CASKIN2: variants seen among roughly 807,000 people sequenced by gnomAD.
CASKIN2 encodes caskin-2.
CASKIN2 carries 41 observed loss-of-function variants against 107.1 expected under a neutral mutation model. The ratio of observed to expected loss-of-function variants is 0.38; its 90% CI spans 0.30 to 0.50. The LOEUF (loss-of-function observed/expected upper bound fraction) is 0.50. Ranked by LOEUF, CASKIN2 falls within the 20% of genes least tolerant of loss-of-function variation. The pLI is 0.92. For synonymous variants in CASKIN2, 724 were observed against 705.6 expected (o/e 1.03, Z -0.41); for missense variants, 1,546 against 1,657.4 (o/e 0.93, Z 1.17).
Position 75,505,264 on chromosome 17 carries a change from C to A in CASKIN2, c.931-191G>T. 1 of 690,260 alleles carries A rather than the reference C, an allele frequency of 1.4e-6. No homozygotes were observed. The highest frequency in any genetic ancestry group is 1.8e-5 in the South Asian group (1 of 54,440). 42.8% of individuals were successfully genotyped at this position (690,260 alleles called of 1,614,324 possible). A position where few individuals can be genotyped will look rare whatever the true frequency, so the allele number is the denominator to read the frequency against. ...GCAGCCAGCTCAATCTCCCCTGTGC[C>A]TCCAGGGCGAGCCCCAGTGGCAGCC... On this transcript the variant is annotated intron_variant, in intron 10 of 19. Coordinates refer to ENST00000321617, the MANE Select transcript of CASKIN2 (RefSeq NM_020753.5). This position sits in a 1 kb window ranked among gnomAD's most constrained non-coding sequence, Gnocchi z 5.1.
chr17:75,504,816 G>C lies in CASKIN2; in HGVS notation c.1188C>G (p.Ser396Arg), dbSNP rs1453027876. The C allele has an allele frequency of 1.2e-6, 2 of 1,609,646 alleles. No homozygotes were observed. Among genetic ancestry groups the C allele is most frequent in the Middle Eastern group, 1.8e-4 (1 of 5,534 alleles). The change falls in exon 11 of 20, where the codon AGC becomes AGG. Residue 396 changes from serine (S) to arginine (R), a missense_variant. By Grantham distance (110) the Ser-to-Arg change is moderately radical. Transcript: ENST00000321617. ...QLPRVGLSPD[S>R]PAGDRNSVGS... The stretch of plus-strand genomic sequence containing the variant: ...CTGCCCCCTGGGAGGATGTACCTGG[G>C]CTGTCTGGGCTGAGGCCCACCCGAG...
chr17:75,505,698 G>T lies in CASKIN2; in HGVS notation c.836-47C>A. On this transcript the variant is annotated intron_variant, in intron 9 of 19. Coordinates refer to ENST00000321617, the MANE Select transcript of CASKIN2 (RefSeq NM_020753.5). This position sits in a 1 kb window ranked among gnomAD's most constrained non-coding sequence, Gnocchi z 5.1. Reference sequence around the variant, plus strand: ...CAGGTGTCATCTAAGGGTCCTTAGGGCATCTTCCCACCCCTCATGCCCTTG... The same window carrying T: ...CAGGTGTCATCTAAGGGTCCTTAGGTCATCTTCCCACCCCTCATGCCCTTG... The T allele has an allele frequency of 6.3e-7, 1 of 1,576,828 alleles. No homozygotes were observed. Among genetic ancestry groups the T allele is most frequent in the Middle Eastern group, 2.1e-4 (1 of 4,826 alleles).
intron 2 of CASKIN2, among the ~76,000 whole-genome samples, chr17:75,513,093 C>T (rs147433377): frequency 2.6e-5 from 4 of 152,188 alleles, no homozygotes; most frequent in African/African-American, 9.6e-5. Context: ...GGCAACTCCA[C>T]GAAGACAGGA....
rs1013184259 is a variant in CASKIN2 at position 75,506,073 on chromosome 17, CAAGCTCAAGTTCACTCAGCTAGT to C, written c.727-167_727-145del. 1 of 790,762 alleles carries C rather than the reference CAAGCTCAAGTTCACTCAGCTAGT, an allele frequency of 1.3e-6. No homozygotes were observed. Among genetic ancestry groups the C allele is most frequent in the Non-Finnish European group, 2.0e-6 (1 of 496,188 alleles). The allele number at this position is 790,762 out of a possible 1,614,324, so 49.0% of individuals were successfully genotyped here. Reference sequence around the variant, plus strand: ...AGAGGCTCAGGGACTCAGTCAAGGACAAGCTCAAGTTCACTCAGCTAGTAAGAGGCAGATCTGGGGTGCCAATC... The same window carrying C: ...AGAGGCTCAGGGACTCAGTCAAGGACAAGAGGCAGATCTGGGGTGCCAATC... On this transcript the variant is annotated intron_variant, in intron 8 of 19. Transcript: ENST00000321617. The surrounding 1 kb of genome is among the most constrained non-coding windows in gnomAD (Gnocchi z 4.8).
chr17:75,507,497 T>C, intron 4 of CASKIN2, 87 bp downstream of exon 4: 1 of 976,266 alleles, frequency 1.0e-6, no homozygotes, highest in South Asian at 1.4e-5. Flanking sequence ...CATTGCTACG[T>C]TGTCATAGGA....
intron 3 of CASKIN2, among the ~76,000 whole-genome samples, 184 bp downstream of exon 3, chr17:75,508,050 C>T (rs77320612): frequency 5.3e-5 from 8 of 152,112 alleles, no homozygotes; most frequent in Admixed American, 1.3e-4. Flanking sequence ...ACTCCACGGG[C>T]GGGCGGGTGC....
In CASKIN2 at chr17:75,514,010, G is replaced by A. The variant is rs1358440004; in HGVS notation, c.-206C>T. On this transcript the variant is annotated 5_prime_UTR_variant, in exon 2 of 20. Transcript: ENST00000321617. The stretch of plus-strand genomic sequence containing the variant: ...GCTCCGTGAACTGCCACCACACGAA[G>A]GAAAGCTAATCTTTGAGGGGGTGAA... 2 of 591,174 alleles carry A rather than the reference G, an allele frequency of 3.4e-6. No homozygotes were observed. Among genetic ancestry groups the A allele is most frequent in the Non-Finnish European group, 6.0e-6 (2 of 331,438 alleles). The allele number at this position is 591,174 out of a possible 1,614,324, so 36.6% of individuals were successfully genotyped here. A position where few individuals can be genotyped will look rare whatever the true frequency, so the allele number is the denominator to read the frequency against.
At position 75,507,495 on chromosome 17, in the gene CASKIN2, C is replaced by T. The variant is rs1044964482; in HGVS notation, c.244+89G>A. The T allele has an allele frequency of 1.0e-5, 10 of 961,048 alleles. No individual in the cohort carries two copies. In the African/African-American group the frequency reaches 1.5e-4, roughly 14 times the overall value. The allele number at this position is 961,048 out of a possible 1,614,324, so 59.5% of individuals were successfully genotyped here. A position where few individuals can be genotyped will look rare whatever the true frequency, so the allele number is the denominator to read the frequency against. Reference sequence around the variant, plus strand: ...GTGCTAGCATCTATTAGCATTGCTACGTTGTCATAGGAGCAAGCTCTGGTC... The same window carrying T: ...GTGCTAGCATCTATTAGCATTGCTATGTTGTCATAGGAGCAAGCTCTGGTC... On this transcript the variant is annotated intron_variant, in intron 4 of 19. Transcript: ENST00000321617.
rs546921989 is a variant in CASKIN2, at chr17:75,505,116, C to G, written c.931-43G>C. The G allele has an allele frequency of 5.0e-6, 8 of 1,597,208 alleles. No individual in the cohort carries two copies. In the South Asian group the frequency reaches 7.7e-5, roughly 15 times the overall value. ...GGGCGGGGACGGTCACTCCCAGCAC[C>G]AGGCAAGTGGCAAACGGTTGTCCCT... On this transcript the variant is annotated intron_variant, in intron 10 of 19. Coordinates refer to ENST00000321617, the MANE Select transcript of CASKIN2 (RefSeq NM_020753.5). This position sits in a 1 kb window ranked among gnomAD's most constrained non-coding sequence, Gnocchi z 5.1.
chr17:75,510,449 C>T (rs577883399), intron 2 of CASKIN2, among the ~76,000 whole-genome samples: 1 of 152,246 alleles, frequency 6.6e-6, no homozygotes, highest in Non-Finnish European at 1.5e-5. Context: ...TGCCTTCTTA[C>T]GATATGGAGC....
rs1356082365 is a variant in CASKIN2 at position 75,502,953 on chromosome 17, C to T, written c.2121G>A (p.Gly707=). Residue 707 remains glycine (G), a synonymous_variant, in exon 18 of 20, where the codon GGG becomes GGA. Coordinates refer to ENST00000321617, the MANE Select transcript of CASKIN2 (RefSeq NM_020753.5). This position sits in a 1 kb window ranked among gnomAD's most constrained non-coding sequence, Gnocchi z 4.3. ...CAGGCTGTTCCTGTGAGTGGCCAGA[C>T]CCCCGTGAGCGTGCCCCGATGCTCT... The part of the protein sequence containing the change: ...SQESIGARSR[G]SGHSQEQPAP... 1.9e-6 allele frequency: 3 copies of T among 1,583,312 alleles called. No individual in the cohort carries two copies. Among genetic ancestry groups the T allele is most frequent in the Non-Finnish European group, 2.6e-6 (3 of 1,163,820 alleles).
chr17:75,502,320 G>A lies in CASKIN2; in HGVS notation c.2754C>T (p.Gly918=). 6.7e-7 allele frequency: 1 copy of A among 1,485,444 alleles called. No homozygotes were observed. 92.0% of individuals were successfully genotyped at this position (1,485,444 alleles called of 1,614,324 possible). A position where few individuals can be genotyped will look rare whatever the true frequency, so the allele number is the denominator to read the frequency against. The change falls in exon 18 of 20, where the codon GGC becomes GGT. Residue 918 remains glycine (G), a synonymous_variant. Coordinates refer to ENST00000321617, the MANE Select transcript of CASKIN2 (RefSeq NM_020753.5). This position sits in a 1 kb window ranked among gnomAD's most constrained non-coding sequence, Gnocchi z 4.3. The part of the protein sequence containing the change: ...SEPAGPSEPP[G]PPAPAGPASD... The stretch of plus-strand genomic sequence containing the variant: ...ACGCGGGCCCAGCCGGGGCAGGTGG[G>A]CCAGGGGGCTCTGAGGGGCCAGCAG...
chr17:75,502,687 C>T lies in CASKIN2; in HGVS notation c.2387G>A (p.Arg796His), dbSNP rs757639467. Residue 796 changes from arginine (R) to histidine (H), a missense_variant, in exon 18 of 20, where the codon CGC (arginine) becomes CAC (histidine). Coordinates refer to ENST00000321617, the MANE Select transcript of CASKIN2 (RefSeq NM_020753.5). The surrounding 1 kb of genome is among the most constrained non-coding windows in gnomAD (Gnocchi z 4.3). ...AGGGCGGCTTAGGCTGTGGGACCGGCGCTTAGGTCGAGGCGGGTCTGGGGG... is the reference window on the plus strand; with the variant it reads ...AGGGCGGCTTAGGCTGTGGGACCGGTGCTTAGGTCGAGGCGGGTCTGGGGG... ...ATPPDPPRPKRRSHSLSRPGP... is the reference protein window; with the variant it reads ...ATPPDPPRPKHRSHSLSRPGP... 32 of 1,597,226 alleles carry T rather than the reference C, an allele frequency of 2.0e-5. No homozygotes were observed. The highest frequency in any genetic ancestry group is 1.1e-4 in the African/African-American group (8 of 73,716).
chr17:75,512,483 G>C (rs1300953642), intron 2 of CASKIN2, among the ~76,000 whole-genome samples: 2 of 152,214 alleles, frequency 1.3e-5, no homozygotes, highest in African/African-American at 4.8e-5. Flanking sequence ...AGGTCTCGAG[G>C]CTAGGTGAAA....
chr17:75,506,560 A>C lies in CASKIN2; in HGVS notation c.617+23T>G. The C allele has an allele frequency of 6.2e-7, 1 of 1,610,506 alleles. No homozygotes were observed. Among genetic ancestry groups the C allele is most frequent in the Non-Finnish European group, 8.5e-7 (1 of 1,178,472 alleles). On this transcript the variant is annotated intron_variant, in intron 7 of 19. Transcript: ENST00000321617. This position sits in a 1 kb window ranked among gnomAD's most constrained non-coding sequence, Gnocchi z 4.8. ...ATGGTCCCGCAGGCAGGTGATGAGG[A>C]AGCGAGGGGACCCCAAGGGTACCTG...
Position 75,506,932 on chromosome 17 carries a change from T to C in CASKIN2, c.391-38A>G. The C allele has an allele frequency of 5.6e-6, 9 of 1,611,972 alleles. No individual in the cohort carries two copies. In the South Asian group the frequency reaches 8.8e-5, roughly 16 times the overall value. ...GAGCCGAGTGAGGGGGCCTGGCCTG[T>C]CCGGCACCCCACCCTGCCCTGCGCC... On this transcript the variant is annotated intron_variant, in intron 5 of 19. Coordinates refer to ENST00000321617, the MANE Select transcript of CASKIN2 (RefSeq NM_020753.5). This position sits in a 1 kb window ranked among gnomAD's most constrained non-coding sequence, Gnocchi z 4.8.
Position 75,506,619 on chromosome 17 carries a change from T to C in CASKIN2, c.581A>G (p.His194Arg), listed in dbSNP as rs2053268654. Residue 194 changes from histidine (H) to arginine (R), a missense_variant, in exon 7 of 20, where the codon CAC (histidine) becomes CGC (arginine). His to Arg is a conservative substitution (Grantham distance 29, BLOSUM62 0). Transcript: ENST00000321617. This position sits in a 1 kb window ranked among gnomAD's most constrained non-coding sequence, Gnocchi z 4.8. ...TCTGTGGCCATTCTTGGCAGCCAAG[T>C]GCAGGGGCGTGGTGTAGTTGGGGTC... ...PCDPNYTTPL[H>R]LAAKNGHREV... 6.2e-7 allele frequency: 1 copy of C among 1,613,402 alleles called. No individual in the cohort carries two copies. Among genetic ancestry groups the C allele is most frequent in the Non-Finnish European group, 8.5e-7 (1 of 1,179,974 alleles).
At chr17:75,508,895 C>A (rs9904716) in intron 2 of CASKIN2, among the ~76,000 whole-genome samples, 1 of 152,224 alleles carries the variant, frequency 6.6e-6, no homozygotes, top group Non-Finnish European at 1.5e-5. Flanking sequence ...AGTGCCTGAC[C>A]TTGTCATATG....
intron 3 of CASKIN2, 166 bp from the exon 4 acceptor site, chr17:75,507,847 A>G: frequency 1.6e-6 from 1 of 609,110 alleles, no homozygotes; most frequent in East Asian, 2.8e-5. Flanking sequence ...CCACAGCATG[A>G]AAGGGCTCAG....
Sources: gnomAD v4.1 joint callset for allele counts (sites outside exome capture counted in the v4.1 genomes callset) on GRCh38, gnomAD v4.1.1 for gene constraint, Gnocchi (gnomAD v3.1) non-coding constraint, MANE v1.5 for transcripts, NCBI Gene and HGNC (gene_info 2026-07-23, HGNC 2026-07-21) for gene names.